XPC: variants seen among roughly 807,000 people sequenced by gnomAD.
The protein encoded by XPC is XPC complex subunit, DNA damage recognition and repair factor.
XPC carries 76 observed loss-of-function variants against 95.8 expected under a neutral mutation model. The observed-to-expected ratio is 0.79, with a 90% CI of 0.66 to 0.96. The LOEUF is 0.96. XPC is among the 40% of genes least tolerant of loss of function. The pLI is 0.00. For synonymous variants in XPC, 442 were observed against 442.1 expected (o/e 1.00, Z 0.00); for missense variants, 1,146 against 1,179.8 (o/e 0.97, Z 0.42).
intron 13 of XPC, 104 bp downstream of exon 13, chr3:14,148,458 C>G (rs900267511): frequency 6.8e-7 from 1 of 1,466,352 alleles, no homozygotes; most frequent in Non-Finnish European, 9.2e-7. Context: ...TTGGAGCCAC[C>G]AGGCCTCAAC....
At chr3:14,162,423 A>C (rs1475288510) in intron 7 of XPC, among the ~76,000 whole-genome samples, 6 of 152,218 alleles carry the variant, frequency 3.9e-5, no homozygotes, top group African/African-American at 1.4e-4. Flanking sequence ...TACTGGCGTA[A>C]GAACAGACAT....
rs767593223 is a variant in XPC at position 14,158,783 on chromosome 3, T to C, written c.1100A>G (p.Lys367Arg). The change falls in exon 9 of 16, where the codon AAA becomes AGA. Residue 367 changes from lysine to arginine, a missense_variant. Transcript: ENST00000285021. This position sits in a 1 kb window ranked among gnomAD's most constrained non-coding sequence, Gnocchi z 5.2. ...GCCCTTAGCAAAGGTTTCCTCTTGTTTGGTTCCTTTGCTGGTCTTTGGTTT... is the reference window on the plus strand; with the variant it reads ...GCCCTTAGCAAAGGTTTCCTCTTGTCTGGTTCCTTTGCTGGTCTTTGGTTT... ...HTKPKTSKGT[K>R]QEETFAKGTC... 3 of 1,613,842 alleles carry C rather than the reference T, an allele frequency of 1.9e-6. No homozygotes were observed. The highest frequency in any genetic ancestry group is 2.2e-5 in the East Asian group (1 of 44,872).
At chr3:14,161,586 C>G (rs1696167674) in intron 7 of XPC, among the ~76,000 whole-genome samples, 1 of 134,744 alleles carries the variant, frequency 7.4e-6, no homozygotes, top group African/African-American at 2.9e-5. Flanking sequence ...TTTCAACTGA[C>G]AAAGAAAAAC....
chr3:14,148,515 C>T (rs999397100), intron 13 of XPC, 47 bp downstream of exon 13: 5 of 1,600,304 alleles, frequency 3.1e-6, no homozygotes, highest in Non-Finnish European at 4.3e-6. Flanking sequence ...CTGGAGCCAC[C>T]CCTCCCCATC....
At position 14,154,288 on chromosome 3, in the gene XPC, GCAAA is replaced by G. The variant is rs371069210; in HGVS notation, c.2034-1876_2034-1873del. 1.8e-3 allele frequency among the ~76,000 whole-genome samples: 271 copies of G among 152,222 alleles called. 1 individual carries two copies. The highest frequency in any genetic ancestry group is 9.5e-3 in the South Asian group (46 of 4,818). ...GGCCTAGTAATTGTACTGGGTATATGCAAACAAACAAACAAACAAACAAAAACTG... is the reference window on the plus strand; with the variant it reads ...GGCCTAGTAATTGTACTGGGTATATGCAAACAAACAAACAAACAAAAACTG... On this transcript the variant is annotated intron_variant, in intron 10 of 15. Transcript: ENST00000285021.
intron 6 of XPC, 75 bp from the exon 7 acceptor site, chr3:14,165,008 A>G (rs1696317820): frequency 1.3e-6 from 2 of 1,549,276 alleles, no homozygotes; most frequent in East Asian, 2.3e-5. Flanking sequence ...CAAGAAAATA[A>G]AAAGAGGGAG....
At chr3:14,170,674 G>C (rs906324822) in intron 2 of XPC, 124 bp from the exon 3 acceptor site, 1 of 684,872 alleles carries the variant, frequency 1.5e-6, no homozygotes, top group Non-Finnish European at 2.4e-6. Context: ...ATTTAAAGAT[G>C]ATTAGTAAGC....
chr3:14,145,977 T>G lies in XPC; in HGVS notation c.2787A>C (p.Ala929=), dbSNP rs762576080. Residue 929 remains alanine (A), a synonymous_variant, in exon 16 of 16, where the codon GCA becomes GCC. Coordinates refer to ENST00000285021, the MANE Select transcript of XPC (RefSeq NM_004628.5). ...CAAATGGGAACAGGTGGGAAGCTGCTGCTTTCTTTTCCCTTTTGGTCTTCT... is the reference window on the plus strand; with the variant it reads ...CAAATGGGAACAGGTGGGAAGCTGCGGCTTTCTTTTCCCTTTTGGTCTTCT... The part of the protein sequence containing the change: ...GPKKTKREKK[A]AASHLFPFEQ... The G allele has an allele frequency of 1.9e-6, 3 of 1,608,636 alleles. No homozygotes were observed. Among genetic ancestry groups the G allele is most frequent in the Non-Finnish European group, 2.6e-6 (3 of 1,175,988 alleles).
chr3:14,160,962 G>C (rs937563205), intron 7 of XPC, among the ~76,000 whole-genome samples: 2 of 152,130 alleles, frequency 1.3e-5, no homozygotes, highest in African/African-American at 4.8e-5. Context: ...ACAGGACTCT[G>C]GAAACAGTCT....
At chr3:14,167,932 G>A (rs1043330157) in intron 4 of XPC, among the ~76,000 whole-genome samples, 1 of 152,194 alleles carries the variant, frequency 6.6e-6, no homozygotes, top group African/African-American at 2.4e-5. Flanking sequence ...ATTACTGGCT[G>A]AGTGACTCTT....
rs3731064 is a variant in XPC, at chr3:14,172,600, A to G, written c.299+267T>C. Among the ~76,000 whole-genome samples, 11,696 of 152,256 alleles carry G rather than the reference A, an allele frequency of 0.077. 495 individuals carry two copies. Among genetic ancestry groups the G allele is most frequent in the South Asian group, 0.11 (510 of 4,828 alleles). On this transcript the variant is annotated intron_variant, in intron 2 of 15. Coordinates refer to ENST00000285021, the MANE Select transcript of XPC (RefSeq NM_004628.5). The stretch of plus-strand genomic sequence containing the variant: ...TCTAATATTTTTGTGTAGTAGAAAG[A>G]GCACTGGACCAGGAGTCAGAAGACC...
At position 14,178,582 on chromosome 3, in the gene XPC, G is replaced by A. The variant is rs755267566; in HGVS notation, c.-14C>T. On this transcript the variant is annotated 5_prime_UTR_variant, in exon 1 of 16. Coordinates refer to ENST00000285021, the MANE Select transcript of XPC (RefSeq NM_004628.5). ...TTTCCGAGCCATGTTGCTTGTCTGG[G>A]CAAATTCCACTTCGCGAGTGACGCA... is the stretch of plus-strand genomic sequence containing the variant. The A allele has an allele frequency of 8.7e-6, 14 of 1,612,396 alleles. No individual in the cohort carries two copies. The highest frequency in any genetic ancestry group is 1.1e-5 in the Non-Finnish European group (13 of 1,179,094).
intron 7 of XPC, among the ~76,000 whole-genome samples, chr3:14,162,558 T>C (rs1696205897): frequency 6.6e-6 from 1 of 152,188 alleles, no homozygotes; most frequent in African/African-American, 2.4e-5. Flanking sequence ...CAACAAATAA[T>C]GCTGGGACAA....
At chr3:14,159,373 A>G (rs1696075166) in intron 8 of XPC, among the ~76,000 whole-genome samples, 1 of 152,182 alleles carries the variant, frequency 6.6e-6, no homozygotes, top group South Asian at 2.1e-4. Flanking sequence ...GACAATGCCA[A>G]TACCCCAATG....
chr3:14,177,261 T>C (rs114148607), intron 1 of XPC, among the ~76,000 whole-genome samples: 1,541 of 152,240 alleles, frequency 0.01, 23 homozygotes, highest in African/African-American at 0.036. Flanking sequence ...TAGGTATTAT[T>C]AGTGATCTAG....
chr3:14,158,603 C>T lies in XPC; in HGVS notation c.1280G>A (p.Arg427Lys), dbSNP rs56267823. The change falls in exon 9 of 16, where the codon AGG becomes AAG. Residue 427 changes from arginine (R) to lysine (K), a missense_variant. Arg to Lys is a conservative substitution (Grantham distance 26). Coordinates refer to ENST00000285021, the MANE Select transcript of XPC (RefSeq NM_004628.5). This position sits in a 1 kb window ranked among gnomAD's most constrained non-coding sequence, Gnocchi z 5.2. ...CCCACTCTCCTCTTTATAAGACACC[C>T]TGGAGGCCACCCGCCGCTCCCGGCC... The part of the protein sequence containing the change: ...PHGRERRVAS[R>K]VSYKEESGSD... 1 of 1,613,800 alleles carries T rather than the reference C, an allele frequency of 6.2e-7. No homozygotes were observed. Among genetic ancestry groups the T allele is most frequent in the Non-Finnish European group, 8.5e-7 (1 of 1,179,892 alleles).
chr3:14,147,458 T>C, intron 14 of XPC, 79 bp from the exon 15 acceptor site: 1 of 1,377,554 alleles, frequency 7.3e-7, no homozygotes, highest in Non-Finnish European at 1.0e-6. Flanking sequence ...AAACTGTGAA[T>C]GTAAAGACAG....
At chr3:14,177,195 A>G (rs1235894637) in intron 1 of XPC, among the ~76,000 whole-genome samples, 1 of 152,238 alleles carries the variant, frequency 6.6e-6, no homozygotes, top group East Asian at 1.9e-4. Flanking sequence ...CGGGAAAAAA[A>G]ATACAAATTT....
At chr3:14,177,047 G>T (rs1323742971) in intron 1 of XPC, among the ~76,000 whole-genome samples, 1 of 152,136 alleles carries the variant, frequency 6.6e-6, no homozygotes, top group Non-Finnish European at 1.5e-5. Context: ...TCACGCCACT[G>T]CACTCCAGCC....
Sources: allele counts gnomAD v4.1 joint callset (sites outside exome capture counted in the v4.1 genomes callset), GRCh38; gene constraint gnomAD v4.1.1; non-coding constraint Gnocchi (gnomAD v3.1); transcripts MANE v1.5; gene names NCBI Gene and HGNC (gene_info 2026-07-23, HGNC 2026-07-21).